The following KHDRBS2 variants were observed in gnomAD, a reference collection of about 807,000 sequenced individuals.
KHDRBS2 encodes KH domain-containing, RNA-binding, signal transduction-associated protein 2.
In KHDRBS2, 26 loss-of-function variants were observed where a neutral mutation model predicts 44.3. That is an observed-to-expected ratio of 0.59 (90% confidence interval 0.43 to 0.81). The LOEUF is 0.81. KHDRBS2 is among the 40% of genes least tolerant of loss of function. The pLI is 0.00. For synonymous variants in KHDRBS2, 194 were observed against 151.1 expected (o/e 1.28, Z -2.08); for missense variants, 476 against 433.1 (o/e 1.10, Z -0.88).
intron 7 of KHDRBS2, among the ~76,000 whole-genome samples, chr6:61,709,421 T>C (rs1770131310): frequency 6.6e-6 from 1 of 151,574 alleles, no homozygotes; most frequent in South Asian, 2.1e-4. Flanking sequence ...ATTCCTTTTA[T>C]AAAAAATGGG....
intron 5 of KHDRBS2, among the ~76,000 whole-genome samples, chr6:61,895,303 C>A (rs1359059206): frequency 6.6e-6 from 1 of 151,744 alleles, no homozygotes; most frequent in African/African-American, 2.4e-5. Flanking sequence ...TAGTGATGGA[C>A]AATGCTGTCA....
At chr6:61,913,372 A>G (rs1806399016) in intron 4 of KHDRBS2, among the ~76,000 whole-genome samples, 1 of 152,062 alleles carries the variant, frequency 6.6e-6, no homozygotes, top group South Asian at 2.1e-4. Flanking sequence ...CATACTGCTC[A>G]GCACTGGGGG....
intron 4 of KHDRBS2, among the ~76,000 whole-genome samples, chr6:61,913,794 ATGTG>A (rs1806474590): frequency 3.3e-5 from 5 of 152,100 alleles, no homozygotes; most frequent in African/African-American, 1.2e-4. Flanking sequence ...GGAGTCTGTC[ATGTG>A]TGGATCTGGT....
At position 62,069,180 on chromosome 6, in the gene KHDRBS2, A is replaced by C. The variant is rs374565507; in HGVS notation, c.220-21186T>G. The stretch of plus-strand genomic sequence containing the variant: ...CCTCAATGACTTAACCACTAAGCCT[A>C]CTGTTGACTGGAAGCCTTACCAATA... On this transcript the variant is annotated intron_variant, in intron 2 of 8. Coordinates refer to ENST00000281156, the MANE Select transcript of KHDRBS2 (RefSeq NM_152688.4). Among the ~76,000 whole-genome samples, 221 of 151,756 alleles carry C rather than the reference A, an allele frequency of 1.5e-3. 1 individual carries two copies. Among genetic ancestry groups the C allele is most frequent in the African/African-American group, 5.0e-3 (207 of 41,500 alleles).
At chr6:61,722,658 C>T (rs1167468220) in intron 7 of KHDRBS2, among the ~76,000 whole-genome samples, 1 of 151,894 alleles carries the variant, frequency 6.6e-6, no homozygotes, top group East Asian at 1.9e-4. Context: ...TGACAGTGCT[C>T]ATATAATATT....
At chr6:62,059,461 T>G (rs1282552746) in intron 2 of KHDRBS2, among the ~76,000 whole-genome samples, 1 of 151,360 alleles carries the variant, frequency 6.6e-6, no homozygotes, top group Admixed American at 6.6e-5. Flanking sequence ...GAGATGAGAC[T>G]GAAGCAATAT....
At chr6:61,788,116 C>T (rs75544490) in intron 6 of KHDRBS2, among the ~76,000 whole-genome samples, 4,999 of 151,522 alleles carry the variant, frequency 0.033, 273 homozygotes, top group African/African-American at 0.11. Flanking sequence ...TTTACAAATA[C>T]GGACAAAATA....
intron 6 of KHDRBS2, among the ~76,000 whole-genome samples, chr6:61,840,020 G>A (rs369104206): frequency 6.6e-6 from 1 of 151,966 alleles, no homozygotes; most frequent in Non-Finnish European, 1.5e-5. Context: ...AATCTATTCA[G>A]TTTTTTGTTA....
intron 3 of KHDRBS2, among the ~76,000 whole-genome samples, chr6:62,036,889 T>G (rs1034728044): frequency 6.6e-6 from 1 of 151,986 alleles, no homozygotes. Flanking sequence ...TAAACTAACT[T>G]ACTATGAGTA....
intron 1 of KHDRBS2, among the ~76,000 whole-genome samples, chr6:62,277,392 A>C (rs1841114681): frequency 6.6e-6 from 1 of 152,036 alleles, no homozygotes; most frequent in Non-Finnish European, 1.5e-5. Flanking sequence ...CCCAAGCTGG[A>C]GTGCAGTGGC....
the KHDRBS2 span, among the ~76,000 whole-genome samples, chr6:61,555,308 C>T: frequency 6.6e-6 from 1 of 152,100 alleles, no homozygotes; most frequent in African/African-American, 2.4e-5. Context: ...GCTGTTAATA[C>T]TTGCAACCGT....
chr6:61,912,198 T>C (rs1806172646), intron 4 of KHDRBS2, among the ~76,000 whole-genome samples: 1 of 152,004 alleles, frequency 6.6e-6, no homozygotes, highest in South Asian at 2.1e-4. Flanking sequence ...ACTTGTAAAA[T>C]GTAATACAGT....
At chr6:62,169,519 C>T (rs1168966749) in intron 2 of KHDRBS2, among the ~76,000 whole-genome samples, 1 of 151,906 alleles carries the variant, frequency 6.6e-6, no homozygotes, top group African/African-American at 2.4e-5. Context: ...CTTAAGAAAT[C>T]GCTTTGGGAT....
chr6:62,076,030 G>A (rs1345376692), intron 2 of KHDRBS2, among the ~76,000 whole-genome samples: 1 of 151,558 alleles, frequency 6.6e-6, no homozygotes, highest in Non-Finnish European at 1.5e-5. Context: ...TTTGAATATG[G>A]GGCAGGGGAG....
At chr6:61,814,359 C>A (rs1283345121) in intron 6 of KHDRBS2, among the ~76,000 whole-genome samples, 1 of 152,036 alleles carries the variant, frequency 6.6e-6, no homozygotes, top group Non-Finnish European at 1.5e-5. Context: ...TGCCTGAAAT[C>A]CCAGTTTGGG....
intron 2 of KHDRBS2, among the ~76,000 whole-genome samples, chr6:62,063,984 C>A (rs372450095): frequency 1.7e-4 from 26 of 148,910 alleles, no homozygotes; most frequent in Non-Finnish European, 8.9e-5. Context: ...TATACACCAA[C>A]AACAGACAAA....
the KHDRBS2 span, among the ~76,000 whole-genome samples, chr6:61,642,741 C>T: frequency 2.6e-5 from 4 of 151,988 alleles, no homozygotes; most frequent in South Asian, 2.1e-4. Context: ...TGTCATGAGC[C>T]TATGTGCCTA....
the KHDRBS2 span, among the ~76,000 whole-genome samples, chr6:61,571,873 GAGTGTAAATAGAT>G: frequency 6.6e-6 from 1 of 152,062 alleles, no homozygotes; most frequent in East Asian, 1.9e-4. Flanking sequence ...AAAGCTGAAA[GAGTGTAAATAGAT>G]AGTGTAAGGT....
intron 7 of KHDRBS2, among the ~76,000 whole-genome samples, chr6:61,724,985 C>CA (rs1320973513): frequency 6.6e-6 from 1 of 152,110 alleles, no homozygotes; most frequent in Admixed American, 6.6e-5. Context: ...CAGAAATCTC[C>CA]ACCCCAAAAC....
Sources: allele counts gnomAD v4.1 joint callset (sites outside exome capture counted in the v4.1 genomes callset), GRCh38; gene constraint gnomAD v4.1.1; transcripts MANE v1.5; gene names NCBI Gene and HGNC (gene_info 2026-07-23, HGNC 2026-07-21).